The following TMPRSS11F variants were observed in gnomAD, a reference collection of about 807,000 sequenced individuals.
TMPRSS11F encodes the protein transmembrane serine protease 11F.
A neutral mutation model predicts 60.2 loss-of-function variants in TMPRSS11F; 47 were observed. The ratio of observed to expected loss-of-function variants is 0.78; its 90% CI spans 0.62 to 1.00. TMPRSS11F has a LOEUF of 1.00. TMPRSS11F is among the 50% of genes least tolerant of loss of function. TMPRSS11F has a pLI of 0.00. For missense variants in TMPRSS11F, 519 were observed against 522.9 expected (o/e 0.99, Z 0.07); for synonymous variants, 166 against 167.3 (o/e 0.99, Z 0.06).
intron 7 of TMPRSS11F, among the ~76,000 whole-genome samples, chr4:68,066,297 C>G (rs1187698761): frequency 6.6e-6 from 1 of 152,126 alleles, no homozygotes; most frequent in East Asian, 1.9e-4. Context: ...TATATGACTT[C>G]AGGCCTTAAG....
chr4:68,116,084 C>CA (rs1333519225), intron 1 of TMPRSS11F, among the ~76,000 whole-genome samples: 1,454 of 144,070 alleles, frequency 0.01, 14 homozygotes, highest in African/African-American at 0.025. Context: ...CTTTCTTTCT[C>CA]AAAAAAAAAA....
Position 68,064,875 on chromosome 4 carries a change from A to C in TMPRSS11F, c.825T>G (p.Asn275Lys). ...TCTCATGAAGAATAATTTTCCTCACATTTCGTTTCACTGCGGGTGGTGTTA... is the reference window on the plus strand; with the variant it reads ...TCTCATGAAGAATAATTTTCCTCACCTTTCGTTTCACTGCGGGTGGTGTTA... ...ATITPPAVKR[N>K]VRKIILHENY... Residue 275 changes from asparagine to lysine, a missense_variant, in exon 8 of 10, where the codon AAT becomes AAG. Transcript: ENST00000356291. 1 of 1,614,072 alleles carries C rather than the reference A, an allele frequency of 6.2e-7. No homozygotes were observed. Among genetic ancestry groups the C allele is most frequent in the Non-Finnish European group, 8.5e-7 (1 of 1,179,982 alleles).
chr4:68,092,566 T>G (rs1467989665), intron 2 of TMPRSS11F, among the ~76,000 whole-genome samples: 1 of 152,178 alleles, frequency 6.6e-6, no homozygotes, highest in Non-Finnish European at 1.5e-5. Context: ...TTTTTACTGA[T>G]GGATGCGTGG....
chr4:68,078,109 C>T (rs577531387), intron 3 of TMPRSS11F, among the ~76,000 whole-genome samples: 16 of 152,262 alleles, frequency 1.1e-4, no homozygotes, highest in Admixed American at 4.6e-4. Flanking sequence ...CCTTTGGCAA[C>T]CCCCATCCCA....
chr4:68,084,820 G>A (rs1263606179), intron 3 of TMPRSS11F, among the ~76,000 whole-genome samples: 1 of 145,610 alleles, frequency 6.9e-6, no homozygotes, highest in Non-Finnish European at 1.5e-5. Context: ...TGCCATGCTG[G>A]TGCGCTGCAC....
intron 8 of TMPRSS11F, among the ~76,000 whole-genome samples, chr4:68,060,515 C>CAAAAAAAAAAAAAAAAAA (rs71218926): frequency 3.4e-5 from 1 of 29,638 alleles, no homozygotes; most frequent in African/African-American, 1.6e-4. Flanking sequence ...GACTCCAACT[C>CAAAAAAAAAAAAAAAAAA]AAAAAAAAAA....
chr4:68,086,242 C>T (rs765164209), intron 3 of TMPRSS11F, among the ~76,000 whole-genome samples: 5 of 152,094 alleles, frequency 3.3e-5, no homozygotes, highest in Admixed American at 6.6e-5. Flanking sequence ...CACACAACTA[C>T]ATGGAAATTA....
At chr4:68,117,354 C>A (rs1378428273) in intron 1 of TMPRSS11F, among the ~76,000 whole-genome samples, 4 of 150,568 alleles carry the variant, frequency 2.7e-5, no homozygotes, top group African/African-American at 9.8e-5. Flanking sequence ...GTAGTCCCAG[C>A]TGCTCGGGGG....
chr4:68,059,170 C>A (rs891802754), intron 9 of TMPRSS11F, among the ~76,000 whole-genome samples, 156 bp downstream of exon 9: 1 of 151,038 alleles, frequency 6.6e-6, no homozygotes, highest in African/African-American at 2.4e-5. Flanking sequence ...ATTAAACACT[C>A]AATACAATTA....
intron 1 of TMPRSS11F, among the ~76,000 whole-genome samples, chr4:68,113,295 T>C (rs548189442): frequency 1.2e-4 from 18 of 152,232 alleles, no homozygotes; most frequent in African/African-American, 4.1e-4. Flanking sequence ...TGTGTCCTAG[T>C]GTTCTGTGGA....
Position 68,064,796 on chromosome 4 carries a change from C to T in TMPRSS11F, c.904G>A (p.Gly302Arg). 1 of 1,614,140 alleles carries T rather than the reference C, an allele frequency of 6.2e-7. No individual in the cohort carries two copies. Among genetic ancestry groups the T allele is most frequent in the South Asian group, 1.1e-5 (1 of 91,086 alleles). Residue 302 changes from glycine to arginine, a missense_variant, in exon 8 of 10, where the codon GGA becomes AGA. Physicochemically the swap from Gly to Arg is moderately radical, Grantham distance 125. Coordinates refer to ENST00000356291, the MANE Select transcript of TMPRSS11F (RefSeq NM_207407.2). ...TGGACTATATTTGAAAACTCAACTCCAGTAGAGAGCTGAACCAAAGCAATG... is the reference window on the plus strand; with the variant it reads ...TGGACTATATTTGAAAACTCAACTCTAGTAGAGAGCTGAACCAAAGCAATG... ...NDIALVQLST[G>R]VEFSNIVQRV...
At chr4:68,123,500 AT>A (rs1180422815) in intron 1 of TMPRSS11F, among the ~76,000 whole-genome samples, 2 of 152,174 alleles carry the variant, frequency 1.3e-5, no homozygotes, top group African/African-American at 4.8e-5. Flanking sequence ...ATGAGTTAAT[AT>A]TTTTTAAAGT....
intron 1 of TMPRSS11F, among the ~76,000 whole-genome samples, chr4:68,104,543 G>A (rs940286920): frequency 6.6e-6 from 1 of 152,100 alleles, no homozygotes; most frequent in Non-Finnish European, 1.5e-5. Context: ...CGAAGGACAT[G>A]CTTGCTTCAC....
At chr4:68,116,258 T>C (rs539406759) in intron 1 of TMPRSS11F, among the ~76,000 whole-genome samples, 1 of 152,332 alleles carries the variant, frequency 6.6e-6, no homozygotes, top group African/African-American at 2.4e-5. Context: ...ATAACTAGAA[T>C]ATTCATACAT....
intron 1 of TMPRSS11F, among the ~76,000 whole-genome samples, chr4:68,115,800 A>G (rs1349646804): frequency 6.6e-6 from 1 of 152,204 alleles, no homozygotes. Flanking sequence ...TTATCTGTGA[A>G]TCTAACAAAA....
At chr4:68,074,145 T>A in intron 3 of TMPRSS11F, 136 bp from the exon 4 acceptor site, 1 of 511,686 alleles carries the variant, frequency 2.0e-6, no homozygotes, top group Non-Finnish European at 3.4e-6. Flanking sequence ...AAAATAAAAA[T>A]AAAAAAGATT....
chr4:68,112,369 C>A (rs185617511), intron 1 of TMPRSS11F, among the ~76,000 whole-genome samples: 54 of 152,192 alleles, frequency 3.5e-4, no homozygotes, highest in African/African-American at 1.3e-3. Flanking sequence ...CTCCATGGAC[C>A]TTTTCTGAAT....
At position 68,053,338 on chromosome 4, in the gene TMPRSS11F, T is replaced by C. The variant is rs1015397605; in HGVS notation, c.*571A>G. The C allele has an allele frequency of 6.6e-6, 1 of 152,642 alleles. No homozygotes were observed. Among genetic ancestry groups the C allele is most frequent in the African/African-American group, 2.4e-5 (1 of 41,464 alleles). The allele number at this position is 152,642 out of a possible 1,614,324, so 9.5% of individuals were successfully genotyped here. A position where few individuals can be genotyped will look rare whatever the true frequency, so the allele number is the denominator to read the frequency against. Reference sequence around the variant, plus strand: ...ACACTGTGTTAACAGCAAGTTCAGATACATTTAAAAACTTTTAAAATGTCA... The same window carrying C: ...ACACTGTGTTAACAGCAAGTTCAGACACATTTAAAAACTTTTAAAATGTCA... On this transcript the variant is annotated 3_prime_UTR_variant, in exon 10 of 10. Coordinates refer to ENST00000356291, the MANE Select transcript of TMPRSS11F (RefSeq NM_207407.2).
chr4:68,099,165 A>G (rs1724139053), intron 1 of TMPRSS11F, 127 bp from the exon 2 acceptor site: 2 of 748,128 alleles, frequency 2.7e-6, no homozygotes, highest in Non-Finnish European at 4.1e-6. Context: ...TAGACCTTGA[A>G]AAGAACAGTA....
Sources: gnomAD v4.1 joint callset for allele counts (sites outside exome capture counted in the v4.1 genomes callset) on GRCh38, gnomAD v4.1.1 for gene constraint, MANE v1.5 for transcripts, NCBI Gene and HGNC (gene_info 2026-07-23, HGNC 2026-07-21) for gene names.